The following RIPOR3 variants were observed in gnomAD, a reference collection of about 807,000 sequenced individuals.
The protein encoded by RIPOR3 is RIPOR family member 3.
Under a neutral mutation model 114.3 loss-of-function variants are expected in RIPOR3, and 95 were observed. The observed-to-expected ratio is 0.83, with a 90% CI of 0.70 to 0.99. The LOEUF is 0.99. Ranked by LOEUF, RIPOR3 falls within the 50% of genes least tolerant of loss-of-function variation. The probability of loss-of-function intolerance (pLI) is 0.00; values close to 1 mark genes in which losing one functional copy is unlikely to be tolerated. For synonymous variants in RIPOR3, 575 were observed against 543.8 expected, an observed-to-expected ratio of 1.06 and a Z score of -0.80; for missense variants, 1,252 against 1,266.9, an observed-to-expected ratio of 0.99 and a Z score of 0.18.
intron 1 of RIPOR3, among the ~76,000 whole-genome samples, chr20:50,677,650 G>GCGT (rs2086718285): frequency 6.7e-6 from 1 of 150,124 alleles, no homozygotes; most frequent in Non-Finnish European, 1.5e-5. Flanking sequence ...GGGATTACAG[G>GCGT]CGTGAGCCAC....
At chr20:50,687,699 C>G (rs36079621) in intron 1 of RIPOR3, among the ~76,000 whole-genome samples, 20,552 of 152,036 alleles carry the variant, frequency 0.14, 1,457 homozygotes, top group East Asian at 0.22. Context: ...GTTAGGAGTT[C>G]GAGACCAGCC....
At chr20:50,670,871 C>A (rs2086453383) in intron 1 of RIPOR3, among the ~76,000 whole-genome samples, 1 of 152,142 alleles carries the variant, frequency 6.6e-6, no homozygotes. Context: ...TCTAGCATGG[C>A]CTCCAGTGAT....
intron 1 of RIPOR3, among the ~76,000 whole-genome samples, chr20:50,679,104 C>CAAAAAAA (rs1215128742): frequency 2.8e-5 from 1 of 35,982 alleles, no homozygotes; most frequent in Non-Finnish European, 3.8e-5. Context: ...GATCCTGTCT[C>CAAAAAAA]AAAAAAAAAA....
At chr20:50,626,542 G>C (rs2084626632) in intron 2 of RIPOR3, among the ~76,000 whole-genome samples, 2 of 152,216 alleles carry the variant, frequency 1.3e-5, no homozygotes, top group African/African-American at 2.4e-5. Flanking sequence ...GAGAGGCAGA[G>C]GCCTACCGTG....
chr20:50,604,795 T>C, intron 11 of RIPOR3, 21 bp from the exon 12 acceptor site: 2 of 1,602,148 alleles, frequency 1.2e-6, no homozygotes, highest in Non-Finnish European at 1.7e-6. Flanking sequence ...GAACAGAAGG[T>C]CAGGATGCCA....
Position 50,609,962 on chromosome 20 carries a change from G to A in RIPOR3, c.427-240C>T, listed in dbSNP as rs1426368481. Among the ~76,000 whole-genome samples, 145 of 138,146 alleles carry A rather than the reference G, an allele frequency of 1.0e-3. 5 individuals are homozygous for A. The highest frequency in any genetic ancestry group is 1.9e-3 in the South Asian group (8 of 4,162). 90.6% of individuals were successfully genotyped at this position (138,146 alleles called of 152,430 possible). On this transcript the variant is annotated intron_variant, in intron 6 of 21. Transcript: ENST00000327979. ...CTCACCTGCCTCACCTGCCACCACT[G>A]CCTCACCTGCCACCCCTACCACCCC...
chr20:50,617,887 G>T (rs1218166679), intron 3 of RIPOR3, among the ~76,000 whole-genome samples: 2 of 152,016 alleles, frequency 1.3e-5, no homozygotes, highest in Non-Finnish European at 1.5e-5. Flanking sequence ...CTCCCAAAGT[G>T]CTAAGATTAC....
Position 50,608,547 on chromosome 20 carries a change from G to A in RIPOR3, c.811-13C>T. Reference sequence around the variant, plus strand: ...GCAACTCCGTCACCTGGGGGTGGGGGCTGGAGGGTGGTGTCTGAGCCGAAC... The same window carrying A: ...GCAACTCCGTCACCTGGGGGTGGGGACTGGAGGGTGGTGTCTGAGCCGAAC... On this transcript the variant is annotated splice_polypyrimidine_tract_variant and intron_variant, in intron 10 of 21. Transcript: ENST00000327979. 4 of 1,613,666 alleles carry A rather than the reference G, an allele frequency of 2.5e-6. No homozygotes were observed. The highest frequency in any genetic ancestry group is 3.4e-6 in the Non-Finnish European group (4 of 1,179,884).
intron 2 of RIPOR3, among the ~76,000 whole-genome samples, chr20:50,630,487 A>C (rs906590275): frequency 3.3e-5 from 5 of 152,242 alleles, no homozygotes; most frequent in Admixed American, 3.3e-4. Flanking sequence ...AGACTTTGAA[A>C]TGATAACTGT....
chr20:50,617,624 T>C (rs557845655), intron 3 of RIPOR3, among the ~76,000 whole-genome samples: 184 of 144,606 alleles, frequency 1.3e-3, no homozygotes, highest in Non-Finnish European at 2.0e-3. Flanking sequence ...CTAAGGTGGT[T>C]TCCCTTTTTT....
At chr20:50,613,554 C>A (rs1297966031) in intron 4 of RIPOR3, among the ~76,000 whole-genome samples, 1 of 152,164 alleles carries the variant, frequency 6.6e-6, no homozygotes, top group Non-Finnish European at 1.5e-5. Flanking sequence ...CAAAAACCAA[C>A]ATCTTGTTTC....
intron 1 of RIPOR3, among the ~76,000 whole-genome samples, chr20:50,640,593 C>T (rs55820501): frequency 0.14 from 17,267 of 119,716 alleles, 788 homozygotes; most frequent in African/African-American, 0.31. Context: ...GAATGAACTG[C>T]CCCCAACCCT....
chr20:50,677,671 CTTTT>C, intron 1 of RIPOR3, among the ~76,000 whole-genome samples: 1 of 130,732 alleles, frequency 7.6e-6, no homozygotes. Context: ...CGCGCCTGGC[CTTTT>C]TTTTTTTTTT....
intron 1 of RIPOR3, 94 bp from the exon 2 acceptor site, chr20:50,630,950 A>C: frequency 1.4e-5 from 13 of 951,456 alleles, no homozygotes; most frequent in Non-Finnish European, 2.0e-5. Flanking sequence ...TACAGACCTC[A>C]CAATGGCCCC....
At chr20:50,626,454 C>G (rs1264605417) in intron 2 of RIPOR3, among the ~76,000 whole-genome samples, 1 of 152,208 alleles carries the variant, frequency 6.6e-6, no homozygotes, top group African/African-American at 2.4e-5. Flanking sequence ...CCAGCGAGCC[C>G]TGGTGTCAAG....
intron 3 of RIPOR3, among the ~76,000 whole-genome samples, chr20:50,619,184 C>T (rs113400762): frequency 0.049 from 7,391 of 152,008 alleles, 547 homozygotes; most frequent in African/African-American, 0.17. Flanking sequence ...TGCAGTGGCT[C>T]ACGCTTGAAC....
chr20:50,641,708 T>C (rs1027983868), intron 1 of RIPOR3, among the ~76,000 whole-genome samples: 1 of 152,204 alleles, frequency 6.6e-6, no homozygotes, highest in African/African-American at 2.4e-5. Flanking sequence ...CCAGGAGCTG[T>C]GTTACACAGA....
chr20:50,688,326 C>T (rs1418808783), intron 1 of RIPOR3, among the ~76,000 whole-genome samples: 3 of 151,788 alleles, frequency 2.0e-5, no homozygotes, highest in Non-Finnish European at 4.4e-5. Flanking sequence ...AGTTTTTTCT[C>T]AAATTATTTG....
chr20:50,617,119 C>T (rs2084205215), intron 3 of RIPOR3, among the ~76,000 whole-genome samples: 1 of 152,104 alleles, frequency 6.6e-6, no homozygotes, highest in South Asian at 2.1e-4. Context: ...CCCACCTGGG[C>T]AACAGAGCGA....
Sources: gnomAD v4.1 joint callset for allele counts (sites outside exome capture counted in the v4.1 genomes callset) on GRCh38, gnomAD v4.1.1 for gene constraint, MANE v1.5 for transcripts, NCBI Gene and HGNC (gene_info 2026-07-23, HGNC 2026-07-21) for gene names.